Variants in SDE2 observed in about 807,000 individuals in gnomAD.
SDE2 encodes splicing regulator SDE2.
A neutral mutation model predicts 46.9 loss-of-function variants in SDE2; 31 were observed. That is an observed-to-expected ratio of 0.66 (90% CI 0.50 to 0.89). SDE2 has a LOEUF of 0.89. Among genes scored for constraint, SDE2 ranks in the 40% least tolerant of loss-of-function variants. The pLI is 0.00. For missense variants in SDE2, 542 were observed against 564.4 expected, an observed-to-expected ratio of 0.96 and a Z score of 0.40; for synonymous variants, 205 against 204.3, an observed-to-expected ratio of 1.00 and a Z score of -0.03.
rs769952112 is a variant in SDE2, at chr1:225,983,257, A to C, written c.*2045T>G. On this transcript the variant is annotated 3_prime_UTR_variant, in exon 7 of 7. Transcript: ENST00000272091. ...AGAAGGCTGCAGTGGCTATATTCACATAAGATAAAGTAGATTTCAAACCCA... is the reference window on the plus strand; with the variant it reads ...AGAAGGCTGCAGTGGCTATATTCACCTAAGATAAAGTAGATTTCAAACCCA... 1 of 152,226 alleles carries C rather than the reference A, an allele frequency of 6.6e-6. No homozygotes were observed. Among genetic ancestry groups the C allele is most frequent in the Admixed American group, 6.5e-5 (1 of 15,282 alleles). 9.4% of individuals were successfully genotyped at this position (152,226 alleles called of 1,614,324 possible). A position where few individuals can be genotyped will look rare whatever the true frequency, so the allele number is the denominator to read the frequency against.
chr1:225,987,868 C>G (rs1656300165), intron 6 of SDE2, 28 bp downstream of exon 6: 12 of 1,580,800 alleles, frequency 7.6e-6, no homozygotes, highest in Non-Finnish European at 1.0e-5. Context: ...TGATTTGGCT[C>G]TAGGTATCAA....
chr1:225,990,181 C>A (rs943769758), intron 5 of SDE2, among the ~76,000 whole-genome samples: 4 of 151,646 alleles, frequency 2.6e-5, no homozygotes, highest in Non-Finnish European at 5.9e-5. Flanking sequence ...GATAAACAAA[C>A]TGTGGTACAT....
chr1:225,995,241 TA>T (rs1656495238), intron 2 of SDE2, 24 bp downstream of exon 2: 1 of 1,099,762 alleles, frequency 9.1e-7, no homozygotes. Context: ...GTGTTACAAC[TA>T]AGTAGTCAAT....
intron 5 of SDE2, among the ~76,000 whole-genome samples, chr1:225,989,980 T>C (rs1656362030): frequency 6.6e-6 from 1 of 150,866 alleles, no homozygotes; most frequent in Admixed American, 6.6e-5. Flanking sequence ...GAGGCTGAGA[T>C]GGGAAGATAG....
At chr1:225,999,169 C>T (rs1656597750) in intron 1 of SDE2, 24 bp downstream of exon 1, 1 of 1,602,192 alleles carries the variant, frequency 6.2e-7, no homozygotes, top group African/African-American at 1.3e-5. Flanking sequence ...CTTTCTCCTT[C>T]CTAACAGGAA....
chr1:225,987,187 G>A (rs544962303), intron 6 of SDE2, among the ~76,000 whole-genome samples: 159 of 152,138 alleles, frequency 1.0e-3, no homozygotes, highest in Non-Finnish European at 9.0e-4. Flanking sequence ...GGGATTACAG[G>A]CGTGCACCAC....
Position 225,988,582 on chromosome 1 carries a change from A to G in SDE2, c.642-194T>C, listed in dbSNP as rs141974474. On this transcript the variant is annotated intron_variant, in intron 5 of 6. Transcript: ENST00000272091. ...CATCTCTACTAAAAATACAAAAATT[A>G]GCCAGATGTGGTGGCATGCACCTAT... Among the ~76,000 whole-genome samples the G allele has an allele frequency of 4.2e-3, 642 of 152,270 alleles. 4 individuals are homozygous for G. Among genetic ancestry groups the G allele is most frequent in the Non-Finnish European group, 5.9e-3 (404 of 68,022 alleles).
chr1:225,988,354 A>G lies in SDE2; in HGVS notation c.676T>C (p.Ser226Pro). Residue 226 changes from serine to proline, a missense_variant, in exon 6 of 7, where the codon TCC becomes CCC. By Grantham distance (74) the Ser-to-Pro change is moderately conservative. This residue lies in a region of SDE2 where 401 missense variants were observed against 437.8 expected (regional missense o/e 0.92). Transcript: ENST00000272091. ...TCATCATCTGAACTCTCAGAGTTGGACCCTTCTGCAGTCTCTAGTCCCTCC... is the reference window on the plus strand; with the variant it reads ...TCATCATCTGAACTCTCAGAGTTGGGCCCTTCTGCAGTCTCTAGTCCCTCC... Reference protein sequence around the residue: ...GMEGLETAEGSNSESSDDDSE... With the variant: ...GMEGLETAEGPNSESSDDDSE... 6.2e-7 allele frequency: 1 copy of G among 1,614,154 alleles called. No homozygotes were observed. The highest frequency in any genetic ancestry group is 1.1e-5 in the South Asian group (1 of 91,088).
chr1:225,992,115 G>A (rs775842681), intron 4 of SDE2, among the ~76,000 whole-genome samples: 9 of 151,556 alleles, frequency 5.9e-5, no homozygotes, highest in South Asian at 2.1e-4. Flanking sequence ...GGAGGCAGAC[G>A]TTGCAGTGAG....
In SDE2 at chr1:225,991,245, G is replaced by T; in HGVS notation, c.639C>A (p.Phe213Leu). ...GGGAACGAAAGTGAAACACTTACCA[G>T]AAGCATCTCCTCTTTCCCGCACTGG... ...RGASAGKRRC[F>L]WLGMEGLETA... The change falls in exon 5 of 7, where the codon TTC becomes TTA. Residue 213 changes from phenylalanine to leucine, a missense_variant and splice_region_variant. Physicochemically the swap from Phe to Leu is conservative, Grantham distance 22. Coordinates refer to ENST00000272091, the MANE Select transcript of SDE2 (RefSeq NM_152608.4). The T allele has an allele frequency of 6.2e-7, 1 of 1,613,046 alleles. No individual in the cohort carries two copies. The highest frequency in any genetic ancestry group is 8.5e-7 in the Non-Finnish European group (1 of 1,179,218).
At chr1:225,990,514 C>G (rs911315099) in intron 5 of SDE2, among the ~76,000 whole-genome samples, 2 of 151,962 alleles carry the variant, frequency 1.3e-5, no homozygotes, top group Non-Finnish European at 2.9e-5. Context: ...GTCGTAGAAC[C>G]AATCAACCAA....
At chr1:225,985,828 T>C (rs1656256819) in intron 6 of SDE2, among the ~76,000 whole-genome samples, 1 of 152,198 alleles carries the variant, frequency 6.6e-6, no homozygotes, top group African/African-American at 2.4e-5. Flanking sequence ...CAGTAAAATA[T>C]AGCCAGCCTA....
At position 225,984,053 on chromosome 1, in the gene SDE2, C is replaced by G. The variant is rs1656214630; in HGVS notation, c.*1249G>C. On this transcript the variant is annotated 3_prime_UTR_variant, in exon 7 of 7. Coordinates refer to ENST00000272091, the MANE Select transcript of SDE2 (RefSeq NM_152608.4). ...CCTGAGGTCAGGAGTTCGAGACCAG[C>G]CTGGCCAATGTGGTGAAACCCCATC... is the stretch of plus-strand genomic sequence containing the variant. The G allele has an allele frequency of 6.6e-6, 1 of 151,880 alleles. No individual in the cohort carries two copies. The highest frequency in any genetic ancestry group is 1.5e-5 in the Non-Finnish European group (1 of 67,972). 9.4% of individuals were successfully genotyped at this position (151,880 alleles called of 1,614,324 possible).
intron 6 of SDE2, 88 bp downstream of exon 6, chr1:225,987,808 G>T: frequency 1.7e-6 from 2 of 1,199,204 alleles, no homozygotes; most frequent in Non-Finnish European, 2.4e-6. Flanking sequence ...CTAAGCAGCT[G>T]AGGGGCAAAA....
chr1:225,988,941 G>C (rs1023103234), intron 5 of SDE2, among the ~76,000 whole-genome samples: 1 of 152,158 alleles, frequency 6.6e-6, no homozygotes, highest in Admixed American at 6.5e-5. Context: ...AAGCAAAATT[G>C]ATTTTGCTTA....
In SDE2 at chr1:225,999,261, T is replaced by G. The variant is rs1656600584; in HGVS notation, c.52A>C (p.Lys18Gln). 1 of 1,613,304 alleles carries G rather than the reference T, an allele frequency of 6.2e-7. No individual in the cohort carries two copies. Among genetic ancestry groups the G allele is most frequent in the Non-Finnish European group, 8.5e-7 (1 of 1,179,810 alleles). Residue 18 changes from lysine to glutamine, a missense_variant, in exon 1 of 7, where the codon AAG (lysine) becomes CAG (glutamine). Coordinates refer to ENST00000272091, the MANE Select transcript of SDE2 (RefSeq NM_152608.4). ...CGACCCGAGGCACACCGCACCGCCT[T>G]GCACCCGAAGCCAGGGCCGCGAATC... ...VWIRGPGFGC[K>Q]AVRCASGRCT...
chr1:225,995,733 A>T (rs563635417), intron 1 of SDE2, among the ~76,000 whole-genome samples: 1 of 152,190 alleles, frequency 6.6e-6, no homozygotes, highest in East Asian at 1.9e-4. Flanking sequence ...TGACTTTCTT[A>T]AACAGGTAAA....
chr1:225,994,140 A>T (rs1211181610), intron 2 of SDE2, among the ~76,000 whole-genome samples: 1 of 151,388 alleles, frequency 6.6e-6, no homozygotes, highest in African/African-American at 2.4e-5. Context: ...GCAGTGGCAC[A>T]ATCTCGGCTC....
In SDE2 at chr1:225,985,009, G is replaced by T. The variant is rs917004111; in HGVS notation, c.*293C>A. ...ACAAATTTGATAACCTGGGTCAAAA[G>T]GATAGATTTCTTGGATAGATTCATT... On this transcript the variant is annotated 3_prime_UTR_variant, in exon 7 of 7. Coordinates refer to ENST00000272091, the MANE Select transcript of SDE2 (RefSeq NM_152608.4). 2 of 351,552 alleles carry T rather than the reference G, an allele frequency of 5.7e-6. No individual in the cohort carries two copies. The highest frequency in any genetic ancestry group is 5.2e-6 in the Non-Finnish European group (1 of 193,540). The allele number at this position is 351,552 out of a possible 1,614,324, so 21.8% of individuals were successfully genotyped here.
Sources: allele counts gnomAD v4.1 joint callset (sites outside exome capture counted in the v4.1 genomes callset), GRCh38; gene constraint gnomAD v4.1.1; regional missense constraint gnomAD v4.1.1; transcripts MANE v1.5; gene names NCBI Gene and HGNC (gene_info 2026-07-23, HGNC 2026-07-21).